Variants in CADPS2 observed in about 807,000 individuals in gnomAD.
The protein encoded by CADPS2 is calcium-dependent secretion activator 2.
CADPS2 carries 93 observed loss-of-function variants against 172.5 expected under a neutral mutation model. The ratio of observed to expected loss-of-function variants is 0.54; its 90% confidence interval spans 0.46 to 0.64. The LOEUF is 0.64. CADPS2 is among the 30% of genes least tolerant of loss of function. CADPS2 has a pLI of 0.00. For synonymous variants in CADPS2, 546 were observed against 555.2 expected (o/e 0.98, Z 0.23); for missense variants, 1,420 against 1,565.9 (o/e 0.91, Z 1.57).
intron 8 of CADPS2, among the ~76,000 whole-genome samples, chr7:122,531,866 A>C (rs1365260818): frequency 6.6e-6 from 1 of 152,050 alleles, no homozygotes; most frequent in Non-Finnish European, 1.5e-5. Context: ...CCCCATCTCT[A>C]CTAAAAATAC....
intron 1 of CADPS2, among the ~76,000 whole-genome samples, chr7:122,802,009 C>A (rs961640463): frequency 1.3e-5 from 2 of 152,024 alleles, no homozygotes; most frequent in Non-Finnish European, 2.9e-5. Flanking sequence ...AGAAAAGCTA[C>A]AAGATGTCTA....
chr7:122,439,791 G>C (rs1400200867), intron 16 of CADPS2, among the ~76,000 whole-genome samples: 1 of 152,104 alleles, frequency 6.6e-6, no homozygotes, highest in Non-Finnish European at 1.5e-5. Context: ...CATTAAATGT[G>C]ATTATTACTA....
intron 27 of CADPS2, among the ~76,000 whole-genome samples, chr7:122,347,811 A>G (rs2037919527): frequency 6.6e-6 from 1 of 152,194 alleles, no homozygotes; most frequent in South Asian, 2.1e-4. Context: ...AAAGATTACT[A>G]CTATTAATAC....
intron 3 of CADPS2, among the ~76,000 whole-genome samples, chr7:122,646,248 A>T (rs2471197): frequency 6.6e-6 from 1 of 151,822 alleles, no homozygotes; most frequent in African/African-American, 2.4e-5. Context: ...GCCCAACAAT[A>T]GGAAACACAA....
chr7:122,615,043 C>T, intron 6 of CADPS2, 138 bp downstream of exon 6: 2 of 475,852 alleles, frequency 4.2e-6, no homozygotes, highest in East Asian at 6.3e-5. Context: ...CTAGTTCTAA[C>T]ACATTTGAGA....
chr7:122,380,413 A>G (rs2042854576), intron 24 of CADPS2, among the ~76,000 whole-genome samples: 1 of 152,080 alleles, frequency 6.6e-6, no homozygotes, highest in East Asian at 1.9e-4. Context: ...TAAACATTAG[A>G]CCAACTTCAC....
At chr7:122,859,813 T>C (rs1417425066) in intron 1 of CADPS2, among the ~76,000 whole-genome samples, 2 of 152,166 alleles carry the variant, frequency 1.3e-5, no homozygotes, top group Non-Finnish European at 2.9e-5. Flanking sequence ...TATTATACTA[T>C]TTTTTGTTTA....
At chr7:122,564,878 A>ACAC (rs1275639457) in intron 7 of CADPS2, among the ~76,000 whole-genome samples, 49 of 127,132 alleles carry the variant, frequency 3.9e-4, no homozygotes, top group African/African-American at 1.4e-3. Context: ...CACACACACA[A>ACAC]AACACTACCC....
chr7:122,380,473 T>C (rs2042863312), intron 24 of CADPS2, among the ~76,000 whole-genome samples: 1 of 152,092 alleles, frequency 6.6e-6, no homozygotes, highest in Non-Finnish European at 1.5e-5. Context: ...GCTATTTTTT[T>C]TTTTTGTGCT....
chr7:122,403,292 T>C (rs976802132), intron 20 of CADPS2, among the ~76,000 whole-genome samples: 2 of 152,186 alleles, frequency 1.3e-5, no homozygotes, highest in African/African-American at 4.8e-5. Context: ...CACCACACTC[T>C]CAGTACCAAA....
At chr7:122,675,863 C>A (rs1234992105) in intron 2 of CADPS2, among the ~76,000 whole-genome samples, 1 of 151,958 alleles carries the variant, frequency 6.6e-6, no homozygotes, top group Non-Finnish European at 1.5e-5. Context: ...GGACAAACAC[C>A]CAATGCACAC....
chr7:122,538,517 A>G (rs867761896), intron 8 of CADPS2, among the ~76,000 whole-genome samples: 1 of 151,878 alleles, frequency 6.6e-6, no homozygotes, highest in Non-Finnish European at 1.5e-5. Context: ...AAATAAAAAT[A>G]TTGTTTTCCA....
intron 1 of CADPS2, among the ~76,000 whole-genome samples, chr7:122,824,227 C>A (rs1804219960): frequency 6.6e-6 from 1 of 152,076 alleles, no homozygotes; most frequent in Non-Finnish European, 1.5e-5. Flanking sequence ...TTATGATTGC[C>A]CATTTCATTG....
chr7:122,598,319 G>T (rs996338929), intron 6 of CADPS2, among the ~76,000 whole-genome samples: 1 of 151,604 alleles, frequency 6.6e-6, no homozygotes, highest in Non-Finnish European at 1.5e-5. Context: ...TTAAATGAGA[G>T]TATTATAATA....
rs112310189 is a variant in CADPS2 at position 122,351,804 on chromosome 7, T to G, written c.3505-6123A>C. ...ACTAAAACTTAGGTAGTCATATTACTTTTATTCTTAACAGTCACATGAATG... is the reference window on the plus strand; with the variant it reads ...ACTAAAACTTAGGTAGTCATATTACGTTTATTCTTAACAGTCACATGAATG... On this transcript the variant is annotated intron_variant, in intron 27 of 29. Transcript: ENST00000449022. Among the ~76,000 whole-genome samples the G allele has an allele frequency of 4.7e-3, 717 of 152,318 alleles. 9 individuals are homozygous for G. The highest frequency in any genetic ancestry group is 0.016 in the African/African-American group (681 of 41,554).
intron 24 of CADPS2, among the ~76,000 whole-genome samples, chr7:122,386,477 C>T (rs1160206489): frequency 6.6e-6 from 1 of 151,794 alleles, no homozygotes; most frequent in East Asian, 1.9e-4. Flanking sequence ...CCACTCTCAA[C>T]AAAAAATCAT....
intron 1 of CADPS2, among the ~76,000 whole-genome samples, chr7:122,782,812 T>C (rs1428325816): frequency 6.6e-6 from 1 of 152,216 alleles, no homozygotes; most frequent in Non-Finnish European, 1.5e-5. Flanking sequence ...ATATGTTGTT[T>C]GGTACATCCA....
intron 7 of CADPS2, among the ~76,000 whole-genome samples, chr7:122,561,356 C>CT (rs1288616893): frequency 2.6e-5 from 4 of 151,498 alleles, no homozygotes; most frequent in East Asian, 1.9e-4. Context: ...CAAGAAAGGC[C>CT]TTTTTTTGAA....
At chr7:122,859,938 C>T (rs1816474782) in intron 1 of CADPS2, among the ~76,000 whole-genome samples, 1 of 152,162 alleles carries the variant, frequency 6.6e-6, no homozygotes, top group Admixed American at 6.6e-5. Flanking sequence ...GAGCAAACTT[C>T]ATACCTCTGT....
Sources: gnomAD v4.1 joint callset for allele counts (sites outside exome capture counted in the v4.1 genomes callset) on GRCh38, gnomAD v4.1.1 for gene constraint, MANE v1.5 for transcripts, NCBI Gene and HGNC (gene_info 2026-07-23, HGNC 2026-07-21) for gene names.